The following COL6A3 variants were observed in gnomAD, a reference collection of about 807,000 sequenced individuals.
COL6A3 encodes the protein collagen alpha-3(VI) chain.
A neutral mutation model predicts 274.1 loss-of-function variants in COL6A3; 137 were observed. The ratio of observed to expected loss-of-function variants is 0.50; its 90% CI spans 0.44 to 0.58. COL6A3 has a LOEUF of 0.58. COL6A3 is among the 20% of genes least tolerant of loss of function. The probability of loss-of-function intolerance (pLI) is 0.00; values close to 1 mark genes in which losing one functional copy is unlikely to be tolerated. For missense variants in COL6A3, 3,950 were observed against 4,124.9 expected (o/e 0.96, Z 1.16); for synonymous variants, 1,650 against 1,650.6 (o/e 1.00, Z 0.01).
chr2:237,378,988 C>G lies in COL6A3; in HGVS notation c.2145G>C (p.Ser715=), dbSNP rs375924639. The change falls in exon 6 of 44, where the codon TCG becomes TCC. Residue 715 remains serine (S), a synonymous_variant. Coordinates refer to ENST00000295550, the MANE Select transcript of COL6A3 (RefSeq NM_004369.4). The stretch of plus-strand genomic sequence containing the variant: ...TTAGGGCTGAGCCTGTGTTCAGGCC[C>G]GAACCTCCCTGGAGCTGCAGCTGCC... ...HLRQLQLQGG[S]GLNTGSALSY... 4 of 1,614,010 alleles carry G rather than the reference C, an allele frequency of 2.5e-6. No individual in the cohort carries two copies. Among genetic ancestry groups the G allele is most frequent in the African/African-American group, 1.3e-5 (1 of 74,896 alleles).
In COL6A3 at chr2:237,364,360, G is replaced by A; in HGVS notation, c.5907C>T (p.Leu1969=). ...AGCCTTGGCACCTACCTTCTTGGCGGAGGTTCTCAGATGCTCTGTGTAAAT... is the reference window on the plus strand; with the variant it reads ...AGCCTTGGCACCTACCTTCTTGGCGAAGGTTCTCAGATGCTCTGTGTAAAT... ...LADLHRASEN[L]RQEGVRALIL... The change falls in exon 13 of 44, where the codon CTC becomes CTT. Residue 1969 remains leucine (L), a synonymous_variant. Transcript: ENST00000295550. This position sits in a 1 kb window ranked among gnomAD's most constrained non-coding sequence, Gnocchi z 4.6. 1 of 1,613,736 alleles carries A rather than the reference G, an allele frequency of 6.2e-7. No homozygotes were observed. Among genetic ancestry groups the A allele is most frequent in the Non-Finnish European group, 8.5e-7 (1 of 1,179,720 alleles).
At chr2:237,345,025 G>T (rs1247710364) in intron 34 of COL6A3, 33 bp downstream of exon 34, 13 of 1,613,962 alleles carry the variant, frequency 8.1e-6, no homozygotes, top group African/African-American at 1.3e-5. Context: ...GTAAAAATAT[G>T]CATTGTGAGA....
rs778458923 is a variant in COL6A3, at chr2:237,372,073, G to A, written c.3944C>T (p.Ala1315Val). 5.3e-5 allele frequency: 86 copies of A among 1,613,900 alleles called. No individual in the cohort carries two copies. Among genetic ancestry groups the A allele is most frequent in the Admixed American group, 1.2e-4 (7 of 60,012 alleles). ...GATGTTCCTGGACACGTACTCCAGG[G>A]CATTGCCCACGTTGATCTGCCGCCC... The part of the protein sequence containing the change: ...KGGRQINVGN[A>V]LEYVSRNIFK... The change falls in exon 9 of 44, where the codon GCC becomes GTC. Residue 1315 changes from alanine to valine, a missense_variant. By Grantham distance (64) the Ala-to-Val change is moderately conservative. Coordinates refer to ENST00000295550, the MANE Select transcript of COL6A3 (RefSeq NM_004369.4).
At chr2:237,385,255 C>A (rs567754320) in intron 4 of COL6A3, among the ~76,000 whole-genome samples, 1 of 152,214 alleles carries the variant, frequency 6.6e-6, no homozygotes, top group African/African-American at 2.4e-5. Flanking sequence ...AGCACCATAT[C>A]TCTAGTGCTT....
rs764921677 is a variant in COL6A3 at position 237,336,504 on chromosome 2, G to A, written c.8596C>T (p.Pro2866Ser). 1.5e-5 allele frequency: 24 copies of A among 1,614,112 alleles called. No individual in the cohort carries two copies. The highest frequency in any genetic ancestry group is 8.5e-7 in the Non-Finnish European group (1 of 1,180,052). The change falls in exon 40 of 44, where the codon CCT (proline) becomes TCT (serine). Residue 2866 changes from proline to serine, a missense_variant. Physicochemically the swap from Pro to Ser is moderately conservative, Grantham distance 74 (BLOSUM62 -1). This residue lies in a region of COL6A3 where 1,284 missense variants were observed against 1,349.7 expected (regional missense o/e 0.95). Transcript: ENST00000295550. ...VNVPNNVTSS[P>S]TSNPVTTTKP... ...GTTGTCGTCACTGGGTTGGATGTAG[G>A]ACTTGAAGTAACGTTATTCGGAACA...
chr2:237,375,146 C>G, intron 7 of COL6A3, 126 bp from the exon 8 acceptor site: 1 of 1,400,680 alleles, frequency 7.1e-7, no homozygotes, highest in Non-Finnish European at 9.8e-7. Flanking sequence ...GAGAAAAGGA[C>G]TTTGCAGATG....
At chr2:237,402,260 T>C (rs186229030) in intron 1 of COL6A3, among the ~76,000 whole-genome samples, 19 of 152,316 alleles carry the variant, frequency 1.2e-4, no homozygotes, top group Non-Finnish European at 1.5e-5. Flanking sequence ...CCCATAGGTA[T>C]AGAGCTTCTG....
rs2106349387 is a variant in COL6A3, at chr2:237,365,968, C to T, written c.5568G>A (p.Lys1856=). ...SRDQNVFVAQ[K]GFESKVDAIL... The stretch of plus-strand genomic sequence containing the variant: ...TGGCGTCCACCTTGGACTCGAAGCC[C>T]TTCTGGGCCACAAAAACATTCTGGT... Residue 1856 remains lysine, a synonymous_variant, in exon 12 of 44, where the codon AAG becomes AAA. Transcript: ENST00000295550. 6.2e-7 allele frequency: 1 copy of T among 1,614,032 alleles called. No homozygotes were observed. The highest frequency in any genetic ancestry group is 8.5e-7 in the Non-Finnish European group (1 of 1,180,032).
chr2:237,391,512 TTGTTTG>T (rs2078287890), intron 3 of COL6A3, among the ~76,000 whole-genome samples: 1 of 87,434 alleles, frequency 1.1e-5, no homozygotes, highest in East Asian at 3.9e-4. Context: ...CACTGTTTGT[TTGTTTG>T]TTTGTTTGTT....
Position 237,372,821 on chromosome 2 carries a change from G to A in COL6A3, c.3680-484C>T, listed in dbSNP as rs181693292. The stretch of plus-strand genomic sequence containing the variant: ...AGGTGCTGCTGGCAGGGGAAGTGGC[G>A]CATCAGAGAGGGTGTTTAAGAGAGA... On this transcript the variant is annotated intron_variant, in intron 8 of 43. Transcript: ENST00000295550. 2.3e-3 allele frequency among the ~76,000 whole-genome samples: 351 copies of A among 152,272 alleles called. 4 individuals carry two copies. Among genetic ancestry groups the A allele is most frequent in the Non-Finnish European group, 3.3e-3 (224 of 68,026 alleles).
chr2:237,394,751 T>C lies in COL6A3; in HGVS notation c.545A>G (p.Glu182Gly). The change falls in exon 3 of 44, where the codon GAA (glutamate) becomes GGA (glycine). Residue 182 changes from glutamate to glycine, a missense_variant. Physicochemically the swap from Glu to Gly is moderately conservative, Grantham distance 98. Coordinates refer to ENST00000295550, the MANE Select transcript of COL6A3 (RefSeq NM_004369.4). ...VFAIGVEDAD[E>G]GALKEIASEP... Reference sequence around the variant, plus strand: ...ACTTGCTATTTCTTTTAACGCTCCTTCATCTGCATCCTCAACTCCAATTGC... The same window carrying C: ...ACTTGCTATTTCTTTTAACGCTCCTCCATCTGCATCCTCAACTCCAATTGC... 6.2e-7 allele frequency: 1 copy of C among 1,614,228 alleles called. No individual in the cohort carries two copies. Among genetic ancestry groups the C allele is most frequent in the Non-Finnish European group, 8.5e-7 (1 of 1,180,040 alleles).
chr2:237,359,120 G>A (rs1341438825), intron 19 of COL6A3, 32 bp from the exon 20 acceptor site: 1 of 1,613,776 alleles, frequency 6.2e-7, no homozygotes, highest in Non-Finnish European at 8.5e-7. Context: ...GGTCACACCT[G>A]CTGCAATTTC....
Position 237,336,632 on chromosome 2 carries a change from G to T in COL6A3, c.8568-100C>A, listed in dbSNP as rs113853154. ...TACATTAAATTTGTTTTAGCAAAAT[G>T]CATGCAATAGTTTTTATAGATTATG... On this transcript the variant is annotated intron_variant, in intron 39 of 43. Transcript: ENST00000295550. 77 of 1,228,168 alleles carry T rather than the reference G, an allele frequency of 6.3e-5. No homozygotes were observed. The Middle Eastern group carries it at 1.6e-3, about 25-fold the overall frequency. 76.1% of individuals were successfully genotyped at this position (1,228,168 alleles called of 1,614,324 possible).
chr2:237,337,668 A>C (rs1374039823), intron 39 of COL6A3, among the ~76,000 whole-genome samples: 1 of 152,208 alleles, frequency 6.6e-6, no homozygotes, highest in Non-Finnish European at 1.5e-5. Context: ...AGCATGACAC[A>C]CTGTGACATT....
At position 237,371,322 on chromosome 2, in the gene COL6A3, C is replaced by T. The variant is rs771536662; in HGVS notation, c.4285+410G>A. Among the ~76,000 whole-genome samples the T allele has an allele frequency of 5.9e-5, 9 of 152,120 alleles. No homozygotes were observed. Among genetic ancestry groups the T allele is most frequent in the South Asian group, 4.2e-4 (2 of 4,814 alleles). ...GCATGAAGAACATAAAGGTGCTGGG[C>T]GCGGTGTCTCAGGCCTGTAATCCCA... On this transcript the variant is annotated intron_variant, in intron 9 of 43. Transcript: ENST00000295550. The surrounding 1 kb of genome is among the most constrained non-coding windows in gnomAD (Gnocchi z 4.3).
intron 4 of COL6A3, among the ~76,000 whole-genome samples, chr2:237,383,486 G>C (rs935238553): frequency 3.9e-5 from 6 of 151,962 alleles, no homozygotes; most frequent in African/African-American, 1.5e-4. Context: ...CTAATGTGTA[G>C]ATCTCTAGAA....
intron 42 of COL6A3, 72 bp downstream of exon 42, chr2:237,333,378 A>G (rs998959492): frequency 7.0e-7 from 1 of 1,428,782 alleles, no homozygotes. Flanking sequence ...CTTAGAACCC[A>G]GGAAGTTAAA....
chr2:237,403,867 C>T (rs534989597), intron 1 of COL6A3, among the ~76,000 whole-genome samples: 3 of 152,050 alleles, frequency 2.0e-5, no homozygotes, highest in East Asian at 3.9e-4. Flanking sequence ...TCTAGGAATC[C>T]CTCAAGCCCA....
At chr2:237,348,296 AC>A (rs1391777764) in intron 30 of COL6A3, 52 bp downstream of exon 30, 9 of 1,468,408 alleles carry the variant, frequency 6.1e-6, no homozygotes, top group Non-Finnish European at 8.6e-6. Flanking sequence ...CCATGGACAT[AC>A]CAGAGCCATC....
Sources: gnomAD v4.1 joint callset for allele counts (sites outside exome capture counted in the v4.1 genomes callset) on GRCh38, gnomAD v4.1.1 for gene constraint, gnomAD v4.1.1 regional missense constraint, Gnocchi (gnomAD v3.1) non-coding constraint, MANE v1.5 for transcripts, NCBI Gene and HGNC (gene_info 2026-07-23, HGNC 2026-07-21) for gene names.